Variants in SOX5 observed in about 807,000 individuals in gnomAD.
SOX5 encodes the protein SRY-box transcription factor 5.
A neutral mutation model predicts 92.0 loss-of-function variants in SOX5; 9 were observed. That is an observed-to-expected ratio of 0.10 (90% CI 0.06 to 0.17). SOX5 has a LOEUF of 0.17. SOX5 is among the 10% of genes least tolerant of loss of function. SOX5 has a pLI of 1.00. For synonymous variants in SOX5, 344 were observed against 336.3 expected (o/e 1.02, Z -0.25); for missense variants, 642 against 944.5 (o/e 0.68, Z 4.20).
At chr12:23,673,814 T>A (rs1478653072) in intron 6 of SOX5, among the ~76,000 whole-genome samples, 1 of 151,756 alleles carries the variant, frequency 6.6e-6, no homozygotes, top group Non-Finnish European at 1.5e-5. Flanking sequence ...CTTTTGGGAG[T>A]GATGAAAATG....
chr12:24,308,832 T>C (rs1036333210), intron 2 of SOX5, among the ~76,000 whole-genome samples: 1 of 152,166 alleles, frequency 6.6e-6, no homozygotes, highest in African/African-American at 2.4e-5. Flanking sequence ...AATTGAGCAT[T>C]GAGTGTATAT....
intron 2 of SOX5, among the ~76,000 whole-genome samples, chr12:24,360,718 T>C (rs1213362954): frequency 6.6e-6 from 1 of 152,200 alleles, no homozygotes; most frequent in African/African-American, 2.4e-5. Context: ...TAAAGTGAGC[T>C]GTTCTAAAAA....
intron 7 of SOX5, among the ~76,000 whole-genome samples, chr12:23,658,679 G>A (rs953170123): frequency 1.3e-5 from 2 of 152,074 alleles, no homozygotes; most frequent in African/African-American, 4.8e-5. Flanking sequence ...ATCACTTGAG[G>A]TAGGAGTTCG....
intron 2 of SOX5, among the ~76,000 whole-genome samples, chr12:24,359,096 T>A (rs987758700): frequency 6.6e-6 from 1 of 152,236 alleles, no homozygotes; most frequent in African/African-American, 2.4e-5. Flanking sequence ...CATAATGCAG[T>A]GACTACGTTT....
At chr12:23,569,632 C>T (rs1947793904) in intron 10 of SOX5, among the ~76,000 whole-genome samples, 1 of 152,200 alleles carries the variant, frequency 6.6e-6, no homozygotes, top group East Asian at 1.9e-4. Flanking sequence ...TTAAGCTGTA[C>T]ACAACATTCC....
At chr12:23,801,881 T>G (rs1165165480) in intron 3 of SOX5, among the ~76,000 whole-genome samples, 1 of 152,146 alleles carries the variant, frequency 6.6e-6, no homozygotes, top group Non-Finnish European at 1.5e-5. Flanking sequence ...CTACTGTTTC[T>G]TAACAGTCCT....
At chr12:23,655,321 C>A (rs2082174259) in intron 7 of SOX5, among the ~76,000 whole-genome samples, 2 of 152,062 alleles carry the variant, frequency 1.3e-5, no homozygotes, top group Non-Finnish European at 2.9e-5. Flanking sequence ...CACAATAACT[C>A]ATTTTAAGCT....
chr12:24,244,129 T>TG (rs1938113370), intron 3 of SOX5, among the ~76,000 whole-genome samples: 4 of 151,882 alleles, frequency 2.6e-5, no homozygotes, highest in Admixed American at 2.6e-4. Flanking sequence ...AAGAAAAGGC[T>TG]GGGGAAGAAG....
chr12:23,590,456 C>T lies in SOX5; in HGVS notation c.1164+13931G>A, dbSNP rs528078116. ...TTTTATTCATTCATACCTATGTGTC[C>T]TTGCACAGACTGTTTCCATTTTCCT... On this transcript the variant is annotated intron_variant, in intron 9 of 14. Coordinates refer to ENST00000451604, the MANE Select transcript of SOX5 (RefSeq NM_006940.6). Among the ~76,000 whole-genome samples the T allele has an allele frequency of 2.6e-5, 4 of 151,888 alleles. No homozygotes were observed. In the East Asian group the frequency reaches 5.8e-4, roughly 22 times the overall value.
intron 1 of SOX5, among the ~76,000 whole-genome samples, chr12:24,424,808 T>TTG (rs777071142): frequency 2.9e-5 from 4 of 138,440 alleles, no homozygotes; most frequent in African/African-American, 8.2e-5. Context: ...GTTTTTTTTT[T>TTG]GGGGGGGGGG....
chr12:23,879,215 C>G (rs995024569), intron 2 of SOX5, among the ~76,000 whole-genome samples: 1 of 151,966 alleles, frequency 6.6e-6, no homozygotes, highest in African/African-American at 2.4e-5. Context: ...CCTCTAAGTC[C>G]TGAACTTAAC....
chr12:24,511,986 A>AT, intron 1 of SOX5, among the ~76,000 whole-genome samples: 1 of 152,154 alleles, frequency 6.6e-6, no homozygotes, highest in East Asian at 1.9e-4. Flanking sequence ...TTTGCAATAC[A>AT]TTTTAAATGA....
intron 2 of SOX5, among the ~76,000 whole-genome samples, chr12:24,315,111 C>A (rs889657574): frequency 6.6e-6 from 1 of 152,166 alleles, no homozygotes; most frequent in African/African-American, 2.4e-5. Flanking sequence ...TATGACAGCT[C>A]ATTTACTCTA....
intron 4 of SOX5, among the ~76,000 whole-genome samples, chr12:23,987,400 C>CA (rs770631464): frequency 7.9e-5 from 12 of 152,136 alleles, no homozygotes; most frequent in Non-Finnish European, 1.6e-4. Context: ...AGCATTAATG[C>CA]AAACTTGATG....
intron 4 of SOX5, among the ~76,000 whole-genome samples, chr12:23,751,540 C>A (rs1392330274): frequency 6.6e-6 from 1 of 151,826 alleles, no homozygotes; most frequent in East Asian, 1.9e-4. Flanking sequence ...GTAATTATCC[C>A]TTTCAAGCCA....
chr12:24,016,321 GA>G (rs945555814), intron 4 of SOX5, among the ~76,000 whole-genome samples: 12 of 151,624 alleles, frequency 7.9e-5, no homozygotes, highest in African/African-American at 2.4e-4. Flanking sequence ...AACCAATCGG[GA>G]AAAAAAACAA....
At chr12:24,368,239 G>A (rs939426698) in intron 2 of SOX5, 1 of 152,130 alleles carries the variant, frequency 6.6e-6, no homozygotes, top group Non-Finnish European at 1.5e-5. Flanking sequence ...ATGTGCTTTG[G>A]TGGCATTTCT....
At chr12:24,031,392 T>C (rs1371641396) in intron 4 of SOX5, among the ~76,000 whole-genome samples, 2 of 151,646 alleles carry the variant, frequency 1.3e-5, no homozygotes, top group Admixed American at 1.3e-4. Context: ...GAAAATCCTA[T>C]CATTTTGCAA....
At chr12:23,567,231 C>T (rs2136441273) in intron 10 of SOX5, among the ~76,000 whole-genome samples, 1 of 152,068 alleles carries the variant, frequency 6.6e-6, no homozygotes, top group East Asian at 1.9e-4. Context: ...TTTATTCTGC[C>T]TTCATTATAG....
Sources: gnomAD v4.1 joint callset for allele counts (sites outside exome capture counted in the v4.1 genomes callset) on GRCh38, gnomAD v4.1.1 for gene constraint, MANE v1.5 for transcripts, NCBI Gene and HGNC (gene_info 2026-07-23, HGNC 2026-07-21) for gene names.